The following EVC variants were observed in gnomAD, a reference collection of about 807,000 sequenced individuals.
EVC encodes EvC ciliary complex subunit 1.
A neutral mutation model predicts 118.9 loss-of-function variants in EVC; 116 were observed. The observed-to-expected ratio is 0.98, with a 90% CI of 0.84 to 1.14. The LOEUF (loss-of-function observed/expected upper bound fraction) is 1.14, where lower values mean the gene tolerates loss of function less well. EVC is among the 50% of genes most tolerant of loss of function. The pLI, the probability that EVC is intolerant of heterozygous loss-of-function variation, is 0.00. For synonymous variants in EVC, 619 were observed against 534.7 expected, an observed-to-expected ratio of 1.16 and a Z score of -2.18; for missense variants, 1,401 against 1,246.4, an observed-to-expected ratio of 1.12 and a Z score of -1.87.
At chr4:5,759,200 G>T (rs1257646516) in intron 11 of EVC, among the ~76,000 whole-genome samples, 1 of 152,098 alleles carries the variant, frequency 6.6e-6, no homozygotes, top group East Asian at 1.9e-4. Context: ...TGGCGCAGAG[G>T]GTCAGTCTGA....
At chr4:5,779,708 C>T (rs1306645410) in intron 11 of EVC, among the ~76,000 whole-genome samples, 1 of 120,884 alleles carries the variant, frequency 8.3e-6, no homozygotes, top group East Asian at 2.1e-4. Flanking sequence ...TGAGACTTTG[C>T]TGAAGTTGCT....
intron 13 of EVC, among the ~76,000 whole-genome samples, chr4:5,796,767 A>G (rs961139886): frequency 4.6e-5 from 7 of 151,914 alleles, no homozygotes; most frequent in Non-Finnish European, 1.0e-4. Flanking sequence ...TAGTGGCTGC[A>G]TACCATAGGC....
intron 2 of EVC, among the ~76,000 whole-genome samples, chr4:5,726,308 T>C (rs1313579566): frequency 6.6e-6 from 1 of 152,254 alleles, no homozygotes; most frequent in Non-Finnish European, 1.5e-5. Flanking sequence ...GGCTTTGGGC[T>C]TGCCTGTCTG....
intron 13 of EVC, among the ~76,000 whole-genome samples, chr4:5,794,390 T>TATA: frequency 7.3e-6 from 1 of 137,476 alleles, no homozygotes; most frequent in African/African-American, 2.6e-5. Flanking sequence ...TATATATATT[T>TATA]TTTATATATA....
intron 2 of EVC, among the ~76,000 whole-genome samples, chr4:5,724,904 G>A (rs1040988556): frequency 1.3e-5 from 2 of 151,916 alleles, no homozygotes; most frequent in African/African-American, 4.8e-5. Flanking sequence ...CCCAGTGTGT[G>A]TTGTTCCCCC....
At chr4:5,776,779 G>A (rs532493242) in intron 11 of EVC, among the ~76,000 whole-genome samples, 4 of 152,090 alleles carry the variant, frequency 2.6e-5, no homozygotes, top group South Asian at 4.1e-4. Flanking sequence ...CACCTAAACT[G>A]CTATTAAACC....
At chr4:5,747,197 G>A (rs988584270) in intron 7 of EVC, among the ~76,000 whole-genome samples, 2 of 135,976 alleles carry the variant, frequency 1.5e-5, no homozygotes, top group Admixed American at 7.2e-5. Flanking sequence ...GAGCCAGACC[G>A]ACACCGCAGT....
chr4:5,734,669 A>G (rs1727385950), intron 5 of EVC, among the ~76,000 whole-genome samples: 1 of 152,168 alleles, frequency 6.6e-6, no homozygotes, highest in African/African-American at 2.4e-5. Flanking sequence ...AAAACAAAAA[A>G]CAAGAATAGC....
intron 11 of EVC, among the ~76,000 whole-genome samples, chr4:5,781,129 C>G (rs1225764545): frequency 6.6e-6 from 1 of 152,170 alleles, no homozygotes; most frequent in Non-Finnish European, 1.5e-5. Flanking sequence ...CCTAATGAGA[C>G]CCTGTGTTCA....
intron 11 of EVC, among the ~76,000 whole-genome samples, chr4:5,778,125 G>A (rs28405846): frequency 0.025 from 3,858 of 151,400 alleles, 168 homozygotes; most frequent in African/African-American, 0.09. Context: ...TACTGAGAAT[G>A]ATGATTTCCA....
chr4:5,825,815 T>TCA, the EVC span: 28 of 693,414 alleles, frequency 4.0e-5, 1 homozygote, highest in South Asian at 5.3e-4. This position sits in a 1 kb window ranked among gnomAD's most constrained non-coding sequence, Gnocchi z 4.4. Flanking sequence ...CAGGTGCACT[T>TCA]CACACACATG....
Position 5,711,566 on chromosome 4 carries a change from G to A in EVC, c.174+12G>A, listed in dbSNP as rs1478727564. 16 of 1,166,484 alleles carry A rather than the reference G, an allele frequency of 1.4e-5. No individual in the cohort carries two copies. Among genetic ancestry groups the A allele is most frequent in the South Asian group, 4.3e-5 (1 of 23,260 alleles). The allele number at this position is 1,166,484 out of a possible 1,614,324, so 72.3% of individuals were successfully genotyped here. ...GCACGCGACACCAGGTGGGTCGGCC[G>A]AGCAGACAGCGGCGGGGCGGGGAGC... is the stretch of plus-strand genomic sequence containing the variant. On this transcript the variant is annotated intron_variant, in intron 1 of 20. Transcript: ENST00000264956.
intron 16 of EVC, among the ~76,000 whole-genome samples, chr4:5,804,102 T>A (rs746065062): frequency 2.6e-5 from 4 of 152,046 alleles, no homozygotes; most frequent in Non-Finnish European, 4.4e-5. Context: ...TGCGCCTGGC[T>A]CATTTTTGTA....
At chr4:5,801,390 A>C (rs1185606703) in intron 15 of EVC, among the ~76,000 whole-genome samples, 3 of 152,162 alleles carry the variant, frequency 2.0e-5, no homozygotes, top group Non-Finnish European at 4.4e-5. Context: ...TAGAAACGGA[A>C]GGCCTCGGCC....
Position 5,749,730 on chromosome 4 carries a change from C to T in EVC, c.1098+1424C>T, listed in dbSNP as rs1730060070. ...CCTGCACCCATTTCCCCGTCCTGTG[C>T]ACCAGCCCGTGTGGCAGCTCGGCTC... On this transcript the variant is annotated intron_variant, in intron 8 of 20. Coordinates refer to ENST00000264956, the MANE Select transcript of EVC (RefSeq NM_153717.3). The surrounding 1 kb of genome is among the most constrained non-coding windows in gnomAD (Gnocchi z 4.4). Among the ~76,000 whole-genome samples, 2 of 152,144 alleles carry T rather than the reference C, an allele frequency of 1.3e-5. No individual in the cohort carries two copies. Among genetic ancestry groups the T allele is most frequent in the Non-Finnish European group, 2.9e-5 (2 of 68,032 alleles).
intron 4 of EVC, among the ~76,000 whole-genome samples, chr4:5,732,867 G>A (rs1047945446): frequency 6.6e-6 from 1 of 152,110 alleles, no homozygotes; most frequent in African/African-American, 2.4e-5. Flanking sequence ...AAAATCAACC[G>A]GGTATGGTGG....
chr4:5,793,516 CACAA>C (rs1381071001), intron 12 of EVC, 88 bp from the exon 13 acceptor site: 9 of 1,112,020 alleles, frequency 8.1e-6, no homozygotes, highest in Non-Finnish European at 1.2e-5. Context: ...AAGAAACGCA[CACAA>C]ACAAGAAACA....
In EVC at chr4:5,730,388, A is replaced by G. The variant is rs551617857; in HGVS notation, c.384+998A>G. Among the ~76,000 whole-genome samples the G allele has an allele frequency of 1.1e-4, 16 of 151,116 alleles. No individual in the cohort carries two copies. The South Asian group carries it at 2.7e-3, about 26-fold the overall frequency. ...CAAGCTTTACCGAACTAATTTTTCC[A>G]TGGAAACTTTGTGGTGAGCAGTAAC... On this transcript the variant is annotated intron_variant, in intron 3 of 20. Transcript: ENST00000264956.
rs567793496 is a variant in EVC at position 5,739,596 on chromosome 4, G to A, written c.703-2120G>A. 3.1e-4 allele frequency among the ~76,000 whole-genome samples: 47 copies of A among 152,286 alleles called. No homozygotes were observed. In the South Asian group the frequency reaches 4.2e-3, roughly 13 times the overall value. ...ATTAAAAGAAGGATCAAAAACTGTG[G>A]CCCTTGAGCCAAATCTGGCCATGTC... On this transcript the variant is annotated intron_variant, in intron 5 of 20. Transcript: ENST00000264956.
Sources: allele counts gnomAD v4.1 joint callset (sites outside exome capture counted in the v4.1 genomes callset), GRCh38; gene constraint gnomAD v4.1.1; non-coding constraint Gnocchi (gnomAD v3.1); transcripts MANE v1.5; gene names NCBI Gene and HGNC (gene_info 2026-07-23, HGNC 2026-07-21).